Variants in HDAC4 observed in about 807,000 individuals in gnomAD.
HDAC4 encodes histone deacetylase A.
HDAC4 carries 16 observed loss-of-function variants against 135.1 expected under a neutral mutation model. The ratio of observed to expected loss-of-function variants is 0.12; its 90% confidence interval spans 0.08 to 0.18. The LOEUF is 0.18. Among genes scored for constraint, HDAC4 ranks in the 10% least tolerant of loss-of-function variants. The pLI is 1.00. For missense variants in HDAC4, 1,143 were observed against 1,511.8 expected (o/e 0.76, Z 4.05); for synonymous variants, 685 against 653.4 (o/e 1.05, Z -0.74).
intron 20 of HDAC4, among the ~76,000 whole-genome samples, chr2:239,082,626 A>T (rs1034832989): frequency 1.3e-5 from 2 of 152,216 alleles, no homozygotes; most frequent in Non-Finnish European, 2.9e-5. Context: ...GTCAGGAAGG[A>T]GGTCACTGGC....
intron 1 of HDAC4, among the ~76,000 whole-genome samples, chr2:239,371,070 A>G (rs889654695): frequency 2.0e-5 from 3 of 152,210 alleles, no homozygotes; most frequent in African/African-American, 7.2e-5. Context: ...GCCACAGGGC[A>G]GGCCCCAGCT....
At chr2:239,099,768 T>A (rs1165850722) in intron 16 of HDAC4, among the ~76,000 whole-genome samples, 2 of 152,214 alleles carry the variant, frequency 1.3e-5, no homozygotes, top group African/African-American at 4.8e-5. Flanking sequence ...GGTAGCTGCA[T>A]CAGCTTCTCC....
intron 6 of HDAC4, among the ~76,000 whole-genome samples, chr2:239,162,637 G>A (rs1433271092): frequency 3.3e-5 from 5 of 152,132 alleles, no homozygotes; most frequent in African/African-American, 9.6e-5. Context: ...TCCCATGGAC[G>A]CCGGTCTCAC....
intron 3 of HDAC4, among the ~76,000 whole-genome samples, chr2:239,208,890 T>C (rs530247795): frequency 1.3e-5 from 2 of 152,316 alleles, no homozygotes; most frequent in East Asian, 3.9e-4. Context: ...AAAGACTTTT[T>C]TTCTTTGTTT....
chr2:239,217,477 T>A (rs569073315), intron 3 of HDAC4, among the ~76,000 whole-genome samples: 1 of 152,330 alleles, frequency 6.6e-6, no homozygotes, highest in Non-Finnish European at 1.5e-5. Context: ...AAATATATTA[T>A]TTATATGTTA....
At chr2:239,163,981 T>C (rs1365150773) in intron 5 of HDAC4, 58 bp from the exon 6 acceptor site, 44 of 1,607,962 alleles carry the variant, frequency 2.7e-5, no homozygotes, top group Non-Finnish European at 2.6e-6. Flanking sequence ...ACAGCAGCAA[T>C]GCAGGGCAGC....
intron 13 of HDAC4, among the ~76,000 whole-genome samples, chr2:239,113,479 C>A (rs375090828): frequency 1.3e-5 from 2 of 152,214 alleles, no homozygotes; most frequent in African/African-American, 4.8e-5. Flanking sequence ...ATGTTTACCT[C>A]GGCAAATTGC....
chr2:239,106,027 C>T (rs535653430), intron 15 of HDAC4, among the ~76,000 whole-genome samples: 1 of 152,302 alleles, frequency 6.6e-6, no homozygotes, highest in Admixed American at 6.5e-5. Flanking sequence ...GTCTCCCAGC[C>T]ACCTGTCTTT....
At chr2:239,057,853 G>A (rs961279035) in intron 24 of HDAC4, among the ~76,000 whole-genome samples, 2 of 152,206 alleles carry the variant, frequency 1.3e-5, no homozygotes, top group African/African-American at 4.8e-5. Context: ...AATGACATAA[G>A]TACAGGAAAG....
chr2:239,103,336 C>T (rs957526541), intron 15 of HDAC4, among the ~76,000 whole-genome samples: 7 of 152,078 alleles, frequency 4.6e-5, no homozygotes, highest in South Asian at 2.1e-4. Context: ...TTGGACCGCC[C>T]GGGGCCACAG....
At chr2:239,123,446 G>T (rs1330975310) in intron 12 of HDAC4, among the ~76,000 whole-genome samples, 2 of 152,184 alleles carry the variant, frequency 1.3e-5, no homozygotes, top group African/African-American at 2.4e-5. Flanking sequence ...GGCAGCAGGG[G>T]CCAGGCTGTG....
chr2:239,281,009 T>TA lies in HDAC4; in HGVS notation c.23-44346_23-44345insT, dbSNP rs202231965. On this transcript the variant is annotated intron_variant, in intron 2 of 26. Coordinates refer to ENST00000543185, the MANE Select transcript of HDAC4 (RefSeq NM_001378414.1). ...TCTACACACAATGTACACACCACTCTCAATGTACACACCACTCTCAATGTA... is the reference window on the plus strand; with the variant it reads ...TCTACACACAATGTACACACCACTCTACAATGTACACACCACTCTCAATGTA... Among the ~76,000 whole-genome samples the TA allele has an allele frequency of 3.8e-4, 48 of 124,896 alleles. 6 individuals are homozygous for TA. Among genetic ancestry groups the TA allele is most frequent in the African/African-American group, 1.4e-3 (45 of 31,718 alleles). 81.9% of individuals were successfully genotyped at this position (124,896 alleles called of 152,430 possible). A position where few individuals can be genotyped will look rare whatever the true frequency, so the allele number is the denominator to read the frequency against.
chr2:239,097,728 GGGTGCCAA>G (rs942761304), intron 16 of HDAC4, among the ~76,000 whole-genome samples: 8 of 152,230 alleles, frequency 5.3e-5, no homozygotes, highest in Non-Finnish European at 1.2e-4. Context: ...AGGAGGGCGT[GGGTGCCAA>G]GGTGCCAAGC....
At chr2:239,294,193 C>T (rs1262382481) in intron 2 of HDAC4, among the ~76,000 whole-genome samples, 1 of 152,174 alleles carries the variant, frequency 6.6e-6, no homozygotes, top group Non-Finnish European at 1.5e-5. Context: ...GCCCCATGAT[C>T]CACCTCTATC....
intron 18 of HDAC4, among the ~76,000 whole-genome samples, chr2:239,089,511 G>A (rs997609492): frequency 1.3e-5 from 2 of 152,142 alleles, no homozygotes; most frequent in African/African-American, 4.8e-5. Context: ...TATTTCAGTA[G>A]AGAAGGAGTT....
chr2:239,129,688 A>C (rs1376168922), intron 11 of HDAC4, among the ~76,000 whole-genome samples: 1 of 152,138 alleles, frequency 6.6e-6, no homozygotes, highest in Non-Finnish European at 1.5e-5. Flanking sequence ...TCCTGGAGGC[A>C]CTTGGGGCTG....
intron 5 of HDAC4, among the ~76,000 whole-genome samples, chr2:239,174,366 GAAC>G (rs2043626700): frequency 6.6e-6 from 1 of 151,204 alleles, no homozygotes; most frequent in Non-Finnish European, 1.5e-5. Context: ...CAAGAGACTG[GAAC>G]AAGCACTTCA....
rs997766571 is a variant in HDAC4, at chr2:239,240,228, C to T, written c.23-3564G>A. Among the ~76,000 whole-genome samples, 5 of 152,234 alleles carry T rather than the reference C, an allele frequency of 3.3e-5. No individual in the cohort carries two copies. The highest frequency in any genetic ancestry group is 9.6e-5 in the African/African-American group (4 of 41,466). ...AGGCCTGGGAAAGACAGCTTTGGAACGGACCTAAACAAAGCGTGGCCAGTG... is the reference window on the plus strand; with the variant it reads ...AGGCCTGGGAAAGACAGCTTTGGAATGGACCTAAACAAAGCGTGGCCAGTG... On this transcript the variant is annotated intron_variant, in intron 2 of 26. Coordinates refer to ENST00000543185, the MANE Select transcript of HDAC4 (RefSeq NM_001378414.1). The surrounding 1 kb of genome is among the most constrained non-coding windows in gnomAD (Gnocchi z 4.5).
At position 239,303,850 on chromosome 2, in the gene HDAC4, G is replaced by A. The variant is rs571903989; in HGVS notation, c.22+48828C>T. The stretch of plus-strand genomic sequence containing the variant: ...AAGCCCCGTGCCAAGGGCTTCTCCG[G>A]GACCCCAGATACCCACCAGACCCTA... On this transcript the variant is annotated intron_variant, in intron 2 of 26. Coordinates refer to ENST00000543185, the MANE Select transcript of HDAC4 (RefSeq NM_001378414.1). This position sits in a 1 kb window ranked among gnomAD's most constrained non-coding sequence, Gnocchi z 5.1. Among the ~76,000 whole-genome samples, 5 of 152,224 alleles carry A rather than the reference G, an allele frequency of 3.3e-5. No individual in the cohort carries two copies. The highest frequency in any genetic ancestry group is 2.6e-4 in the Admixed American group (4 of 15,292).
Sources: allele counts gnomAD v4.1 joint callset (sites outside exome capture counted in the v4.1 genomes callset), GRCh38; gene constraint gnomAD v4.1.1; non-coding constraint Gnocchi (gnomAD v3.1); transcripts MANE v1.5; gene names NCBI Gene and HGNC (gene_info 2026-07-23, HGNC 2026-07-21).